The following HMCN1 variants were observed in gnomAD, a reference collection of about 807,000 sequenced individuals.
HMCN1 encodes hemicentin-1.
In HMCN1, 321 loss-of-function variants were observed where a neutral mutation model predicts 625.9. That is an observed-to-expected ratio of 0.51 (90% CI 0.47 to 0.56). The LOEUF (loss-of-function observed/expected upper bound fraction) is 0.56. Among genes scored for constraint, HMCN1 ranks in the 20% least tolerant of loss-of-function variants. HMCN1 has a pLI of 0.00. For synonymous variants in HMCN1, 2,425 were observed against 2,417.6 expected (o/e 1.00, Z -0.09); for missense variants, 6,588 against 6,887.3 (o/e 0.96, Z 1.54).
chr1:186,162,341 T>C (rs1365536423), intron 97 of HMCN1, among the ~76,000 whole-genome samples: 3 of 152,186 alleles, frequency 2.0e-5, no homozygotes, highest in Admixed American at 2.0e-4. Context: ...TCAAAGTTTT[T>C]AACTTCTTTG....
chr1:185,870,583 T>C (rs956410792), intron 4 of HMCN1, among the ~76,000 whole-genome samples: 6 of 152,066 alleles, frequency 3.9e-5, no homozygotes, highest in African/African-American at 1.4e-4. Context: ...TGTGGGTGCA[T>C]AGTAGGTGTA....
chr1:185,888,715 T>C (rs1446935370), intron 4 of HMCN1, among the ~76,000 whole-genome samples: 2 of 146,954 alleles, frequency 1.4e-5, no homozygotes, highest in East Asian at 1.9e-4. Context: ...ACTGTAGCCT[T>C]GTAGTATAGT....
intron 73 of HMCN1, among the ~76,000 whole-genome samples, chr1:186,114,429 T>C (rs1466259589): frequency 6.6e-6 from 1 of 152,072 alleles, no homozygotes; most frequent in Non-Finnish European, 1.5e-5. Context: ...AGCTAATTTT[T>C]TGTATTTTTA....
chr1:186,119,149 C>G, intron 77 of HMCN1, 42 bp from the exon 78 acceptor site: 2 of 1,404,994 alleles, frequency 1.4e-6, no homozygotes, highest in Non-Finnish European at 2.0e-6. Context: ...ACTAAAAAAA[C>G]TGAGATGCAG....
chr1:186,181,134 C>T (rs961605262), intron 104 of HMCN1, among the ~76,000 whole-genome samples: 4 of 152,102 alleles, frequency 2.6e-5, no homozygotes, highest in African/African-American at 9.7e-5. Flanking sequence ...AGTTCAACAT[C>T]ATTTACATTT....
At chr1:186,008,006 T>C (rs1653753070) in intron 30 of HMCN1, among the ~76,000 whole-genome samples, 1 of 152,140 alleles carries the variant, frequency 6.6e-6, no homozygotes, top group Admixed American at 6.5e-5. Context: ...CCTCTTAGAA[T>C]GTCACCTTCT....
At chr1:186,009,809 G>T (rs1344273523) in intron 30 of HMCN1, among the ~76,000 whole-genome samples, 1 of 152,100 alleles carries the variant, frequency 6.6e-6, no homozygotes, top group African/African-American at 2.4e-5. Context: ...TAGTAGTTCT[G>T]AGGCAAAGAT....
Position 186,151,195 on chromosome 1 carries a change from A to C in HMCN1, c.14609-5A>C. Reference sequence around the variant, plus strand: ...ATCCAGGAATGTTTTTTTTTCCCCCAATAGGTGGGCCCCAGCGAGCCAGAG... The same window carrying C: ...ATCCAGGAATGTTTTTTTTTCCCCCCATAGGTGGGCCCCAGCGAGCCAGAG... On this transcript the variant is annotated splice_polypyrimidine_tract_variant and splice_region_variant and intron_variant, in intron 93 of 106. Transcript: ENST00000271588. 6.2e-7 allele frequency: 1 copy of C among 1,612,894 alleles called. No individual in the cohort carries two copies. Among genetic ancestry groups the C allele is most frequent in the Admixed American group, 1.7e-5 (1 of 59,860 alleles).
intron 46 of HMCN1, among the ~76,000 whole-genome samples, chr1:186,060,065 A>T (rs937627588): frequency 6.6e-6 from 1 of 152,082 alleles, no homozygotes; most frequent in African/African-American, 2.4e-5. Context: ...TTAAGTAAAC[A>T]AAATTTCTGT....
chr1:185,757,555 G>A (rs1655212506), intron 1 of HMCN1, among the ~76,000 whole-genome samples: 1 of 151,980 alleles, frequency 6.6e-6, no homozygotes, highest in Non-Finnish European at 1.5e-5. Flanking sequence ...GCCCCTAATT[G>A]TTCTCCATCA....
At chr1:185,959,208 G>A (rs906045111) in intron 11 of HMCN1, among the ~76,000 whole-genome samples, 1 of 152,102 alleles carries the variant, frequency 6.6e-6, no homozygotes, top group African/African-American at 2.4e-5. Context: ...AAAGTCCTTA[G>A]GTATTTTCTC....
chr1:185,907,116 G>A (rs1571540123), intron 4 of HMCN1, among the ~76,000 whole-genome samples: 1 of 151,616 alleles, frequency 6.6e-6, no homozygotes, highest in Non-Finnish European at 1.5e-5. Flanking sequence ...TAAGCCGAGT[G>A]ATCCATATCC....
At chr1:185,906,282 T>C (rs1471459330) in intron 4 of HMCN1, among the ~76,000 whole-genome samples, 1 of 151,786 alleles carries the variant, frequency 6.6e-6, no homozygotes, top group Non-Finnish European at 1.5e-5. Flanking sequence ...ATTTTTCTTA[T>C]AAGTGGATAA....
At chr1:186,047,113 G>A (rs1656629027) in intron 41 of HMCN1, among the ~76,000 whole-genome samples, 1 of 152,152 alleles carries the variant, frequency 6.6e-6, no homozygotes, top group Admixed American at 6.6e-5. Flanking sequence ...AAGCATGGGT[G>A]TGAGTGAAAG....
chr1:185,798,895 TTAGGACCTACTAC>T (rs1658586467), intron 1 of HMCN1, among the ~76,000 whole-genome samples: 1 of 152,174 alleles, frequency 6.6e-6, no homozygotes, highest in Non-Finnish European at 1.5e-5. Context: ...TTTATTTTGA[TTAGGACCTACTAC>T]TAGAGAGTTA....
At chr1:186,068,060 A>G in intron 50 of HMCN1, 53 bp downstream of exon 50, 1 of 1,433,564 alleles carries the variant, frequency 7.0e-7, no homozygotes. Context: ...CTACTATTCT[A>G]GAAAAGCAGA....
At chr1:185,948,672 C>T (rs1382248353) in intron 11 of HMCN1, among the ~76,000 whole-genome samples, 192 of 151,654 alleles carry the variant, frequency 1.3e-3, no homozygotes, top group African/African-American at 3.6e-3. Context: ...GCCATCTGGG[C>T]ATATATGTGC....
At chr1:185,828,062 G>A (rs1294662885) in intron 1 of HMCN1, among the ~76,000 whole-genome samples, 2 of 152,132 alleles carry the variant, frequency 1.3e-5, no homozygotes, top group Admixed American at 1.3e-4. Context: ...TTGTTTACAT[G>A]AAATATCAGG....
At chr1:186,014,874 G>A (rs1465150954) in intron 30 of HMCN1, among the ~76,000 whole-genome samples, 1 of 151,842 alleles carries the variant, frequency 6.6e-6, no homozygotes, top group Non-Finnish European at 1.5e-5. Context: ...TTGCTTTGTT[G>A]GTTAAACATA....
Sources: allele counts gnomAD v4.1 joint callset (sites outside exome capture counted in the v4.1 genomes callset), GRCh38; gene constraint gnomAD v4.1.1; transcripts MANE v1.5; gene names NCBI Gene and HGNC (gene_info 2026-07-23, HGNC 2026-07-21).